Variants in COLEC10 observed in about 807,000 individuals in gnomAD.
COLEC10 encodes collectin-10.
A neutral mutation model predicts 28.4 loss-of-function variants in COLEC10; 22 were observed. The observed-to-expected ratio is 0.78, with a 90% CI of 0.55 to 1.11. COLEC10 has a LOEUF of 1.11. Among genes scored for constraint, COLEC10 ranks in the 50% least tolerant of loss-of-function variants. The pLI is 0.00. For missense variants in COLEC10, 361 were observed against 344.1 expected, an observed-to-expected ratio of 1.05 and a Z score of -0.39; for synonymous variants, 125 against 116.1, an observed-to-expected ratio of 1.08 and a Z score of -0.49.
In COLEC10 at chr8:119,004,833, C is replaced by T. The variant is rs868720509; in HGVS notation, n.123-4608C>T. ...CTCAAACCCAGGCCATTGACTCTTC[C>T]TCCAAAATAGCTTTCAAGAGATTAT... On this transcript the variant is annotated intron_variant and non_coding_transcript_variant, in intron 1 of 6. Coordinates refer to the COLEC10 transcript ENST00000521788. Among the ~76,000 whole-genome samples, 19 of 151,922 alleles carry T rather than the reference C, an allele frequency of 1.3e-4. No individual in the cohort carries two copies. The Middle Eastern group carries it at 0.017, about 136-fold the overall frequency.
chr8:119,014,573 T>C (rs531311015), intron 2 of COLEC10, among the ~76,000 whole-genome samples: 1 of 150,878 alleles, frequency 6.6e-6, no homozygotes, highest in East Asian at 1.9e-4. Flanking sequence ...TTTATCCTCC[T>C]TGGTTTCTCT....
chr8:119,058,279 AT>A (rs1407497120), intron 2 of COLEC10, among the ~76,000 whole-genome samples: 1 of 152,046 alleles, frequency 6.6e-6, no homozygotes, highest in Non-Finnish European at 1.5e-5. Flanking sequence ...GGAGGTATAA[AT>A]TATATGTCAT....
chr8:119,080,255 C>T (rs1157397531), intron 1 of COLEC10, among the ~76,000 whole-genome samples: 4 of 152,072 alleles, frequency 2.6e-5, no homozygotes, highest in Admixed American at 1.3e-4. Flanking sequence ...AATCCTGTAT[C>T]GCTAGGACAC....
chr8:119,068,010 T>C (rs1241368307), intron 1 of COLEC10: 3 of 152,152 alleles, frequency 2.0e-5, no homozygotes, highest in African/African-American at 7.2e-5. Flanking sequence ...TGCTCAAGGA[T>C]GGTAGAATAT....
chr8:119,019,860 CT>C, intron 2 of COLEC10, among the ~76,000 whole-genome samples: 1 of 152,218 alleles, frequency 6.6e-6, no homozygotes, highest in Admixed American at 6.5e-5. Flanking sequence ...ATTAATAAAG[CT>C]AAACAGCCTA....
At chr8:119,073,170 G>A (rs981408374) in intron 1 of COLEC10, among the ~76,000 whole-genome samples, 1 of 152,182 alleles carries the variant, frequency 6.6e-6, no homozygotes, top group African/African-American at 2.4e-5. Flanking sequence ...ACTTGTTCTA[G>A]GTCATGCAGC....
At chr8:118,988,245 T>C in the COLEC10 span, among the ~76,000 whole-genome samples, 1 of 152,216 alleles carries the variant, frequency 6.6e-6, no homozygotes, top group South Asian at 2.1e-4. Context: ...TATCAGATTC[T>C]CATCATGAGG....
the COLEC10 span, among the ~76,000 whole-genome samples, chr8:118,981,030 T>C: frequency 1.5e-5 from 2 of 130,662 alleles, no homozygotes; most frequent in Non-Finnish European, 3.1e-5. Flanking sequence ...AGTTTTCCTA[T>C]ATATATATAT....
At chr8:118,975,370 C>T in the COLEC10 span, among the ~76,000 whole-genome samples, 2 of 151,972 alleles carry the variant, frequency 1.3e-5, no homozygotes, top group Admixed American at 6.6e-5. Context: ...GTAAATTCTG[C>T]TATGTTATCT....
the COLEC10 span, among the ~76,000 whole-genome samples, chr8:118,989,725 CAT>C: frequency 2.8e-5 from 4 of 144,234 alleles, no homozygotes; most frequent in East Asian, 2.2e-4. Context: ...TAAAAATTTG[CAT>C]GTGTGTGTGT....
At chr8:119,083,173 C>T (rs1395830803) in intron 1 of COLEC10, among the ~76,000 whole-genome samples, 1 of 152,150 alleles carries the variant, frequency 6.6e-6, no homozygotes, top group Non-Finnish European at 1.5e-5. Flanking sequence ...GAGTTAGGTC[C>T]AGCTGCTCAA....
intron 3 of COLEC10, among the ~76,000 whole-genome samples, chr8:119,097,660 C>T (rs1295569529): frequency 6.6e-6 from 1 of 151,930 alleles, no homozygotes; most frequent in Non-Finnish European, 1.5e-5. Context: ...ATGGATCTGT[C>T]CCTATCTGTA....
At chr8:118,990,003 GC>G in the COLEC10 span, among the ~76,000 whole-genome samples, 4 of 152,004 alleles carry the variant, frequency 2.6e-5, no homozygotes, top group African/African-American at 9.7e-5. Flanking sequence ...GGTTTGGTTT[GC>G]TCAACCTGTA....
chr8:119,005,833 G>A (rs1813784240), intron 1 of COLEC10, among the ~76,000 whole-genome samples: 1 of 152,058 alleles, frequency 6.6e-6, no homozygotes, highest in African/African-American at 2.4e-5. Context: ...GTGATGAGGT[G>A]CAGGTAGAAG....
chr8:119,050,933 C>T (rs1176007636), intron 2 of COLEC10, among the ~76,000 whole-genome samples: 1 of 152,018 alleles, frequency 6.6e-6, no homozygotes, highest in African/African-American at 2.4e-5. Context: ...GAAGTCTTAC[C>T]ACCAACGAGA....
chr8:119,061,442 G>GAA (rs757476980), intron 2 of COLEC10, among the ~76,000 whole-genome samples: 1 of 74,666 alleles, frequency 1.3e-5, no homozygotes, highest in Admixed American at 1.4e-4. Context: ...AGCTGGTATT[G>GAA]AAAAAAAAAA....
In COLEC10 at chr8:119,085,864, C is replaced by T. The variant is rs185665876; in HGVS notation, c.149-3816C>T. 1.5e-3 allele frequency among the ~76,000 whole-genome samples: 228 copies of T among 152,020 alleles called. 4 individuals carry two copies. The highest frequency in any genetic ancestry group is 4.8e-3 in the African/African-American group (200 of 41,470). On this transcript the variant is annotated intron_variant, in intron 1 of 5. Coordinates refer to ENST00000332843, the MANE Select transcript of COLEC10 (RefSeq NM_006438.5). ...AACTCCTGACTTCAAACAATCCACC[C>T]GCCTCGGCCTCCCAAAGTGCTGAGA...
the COLEC10 span, among the ~76,000 whole-genome samples, chr8:118,960,796 A>AC: frequency 6.6e-5 from 10 of 151,232 alleles, no homozygotes; most frequent in African/African-American, 2.4e-4. Context: ...AAAAAAAAAA[A>AC]AAAAAAAAAA....
chr8:118,957,596 A>G, the COLEC10 span, among the ~76,000 whole-genome samples: 1 of 152,208 alleles, frequency 6.6e-6, no homozygotes, highest in African/African-American at 2.4e-5. Context: ...AGTTGAATCT[A>G]TGGACAGTAG....
Sources: gnomAD v4.1 joint callset for allele counts (sites outside exome capture counted in the v4.1 genomes callset) on GRCh38, gnomAD v4.1.1 for gene constraint, MANE v1.5 for transcripts, NCBI Gene and HGNC (gene_info 2026-07-23, HGNC 2026-07-21) for gene names.